Variants in SWT1 observed in about 807,000 individuals in gnomAD.
SWT1 encodes SWT1 RNA endoribonuclease homolog.
In SWT1, 33 loss-of-function variants were observed where a neutral mutation model predicts 107.3. The ratio of observed to expected loss-of-function variants is 0.31; its 90% CI spans 0.23 to 0.41. The LOEUF (loss-of-function observed/expected upper bound fraction) is 0.41. Among genes scored for constraint, SWT1 ranks in the 10% least tolerant of loss-of-function variants. The probability of loss-of-function intolerance (pLI) is 1.00; values close to 1 mark genes in which losing one functional copy is unlikely to be tolerated. For synonymous variants in SWT1, 345 were observed against 348.3 expected (o/e 0.99, Z 0.11); for missense variants, 898 against 1,028.9 (o/e 0.87, Z 1.74).
chr1:185,250,236 T>G (rs1227351085), intron 16 of SWT1, among the ~76,000 whole-genome samples: 2 of 152,138 alleles, frequency 1.3e-5, no homozygotes, highest in African/African-American at 4.8e-5. Context: ...GAAGTGATCT[T>G]CTCGCCTCAG....
chr1:185,215,055 A>G (rs1269864907), intron 14 of SWT1, among the ~76,000 whole-genome samples: 1 of 152,216 alleles, frequency 6.6e-6, no homozygotes, highest in Admixed American at 6.5e-5. Context: ...TGACAGTGTT[A>G]CTTGGTAATG....
At chr1:185,256,757 G>A (rs1360138688) in intron 16 of SWT1, among the ~76,000 whole-genome samples, 13 of 151,554 alleles carry the variant, frequency 8.6e-5, no homozygotes, top group East Asian at 1.9e-4. Context: ...TAATTTGATC[G>A]TCTGAAGCGT....
At chr1:185,228,345 AC>A (rs1313323625) in intron 15 of SWT1, among the ~76,000 whole-genome samples, 1 of 151,630 alleles carries the variant, frequency 6.6e-6, no homozygotes, top group East Asian at 1.9e-4. Context: ...ATATAGTGAG[AC>A]CTCATCTTTA....
In SWT1 at chr1:185,290,839, C is replaced by A; in HGVS notation, c.*36C>A. 2 of 1,572,186 alleles carry A rather than the reference C, an allele frequency of 1.3e-6. No homozygotes were observed. The highest frequency in any genetic ancestry group is 2.3e-5 in the South Asian group (2 of 85,876). On this transcript the variant is annotated 3_prime_UTR_variant, in exon 19 of 19. Coordinates refer to ENST00000367500, the MANE Select transcript of SWT1 (RefSeq NM_017673.7). ...GTAACTTTAAAGGAATTGCATTTGTCCTTAAGAATAACAGAGTAGTTTTCA... is the reference window on the plus strand; with the variant it reads ...GTAACTTTAAAGGAATTGCATTTGTACTTAAGAATAACAGAGTAGTTTTCA...
chr1:185,232,672 T>G (rs1660586319), intron 16 of SWT1, among the ~76,000 whole-genome samples: 1 of 152,212 alleles, frequency 6.6e-6, no homozygotes, highest in Non-Finnish European at 1.5e-5. Context: ...CCATTTTATC[T>G]GATAGGCCAG....
At chr1:185,193,363 A>G (rs1657113032) in intron 10 of SWT1, among the ~76,000 whole-genome samples, 1 of 151,882 alleles carries the variant, frequency 6.6e-6, no homozygotes, top group East Asian at 1.9e-4. Context: ...CAGAATGTGT[A>G]TTCTGCCCTT....
At chr1:185,200,443 A>G (rs1558034695) in intron 10 of SWT1, among the ~76,000 whole-genome samples, 1 of 151,970 alleles carries the variant, frequency 6.6e-6, no homozygotes, top group Non-Finnish European at 1.5e-5. Context: ...TGTGGACGCC[A>G]TTTTTGTTGA....
chr1:185,254,360 G>T (rs1260431199), intron 16 of SWT1, among the ~76,000 whole-genome samples: 2 of 133,086 alleles, frequency 1.5e-5, no homozygotes, highest in Non-Finnish European at 3.2e-5. Flanking sequence ...AATGGTACCA[G>T]TTCCTCCTTG....
intron 14 of SWT1, among the ~76,000 whole-genome samples, chr1:185,221,212 T>C (rs1659634294): frequency 6.6e-6 from 1 of 152,342 alleles, no homozygotes; most frequent in East Asian, 1.9e-4. Flanking sequence ...TCTTTATATT[T>C]CTTGCATGCA....
chr1:185,162,622 C>A (rs1378369558), intron 2 of SWT1, among the ~76,000 whole-genome samples: 1 of 152,140 alleles, frequency 6.6e-6, no homozygotes, highest in Non-Finnish European at 1.5e-5. Context: ...CTGCACCTAT[C>A]AGCAAATTCT....
At chr1:185,257,520 T>G (rs926705470) in intron 16 of SWT1, among the ~76,000 whole-genome samples, 2 of 152,242 alleles carry the variant, frequency 1.3e-5, no homozygotes, top group African/African-American at 4.8e-5. Context: ...AAGCGCAGTA[T>G]TCGGGTGGGA....
intron 16 of SWT1, among the ~76,000 whole-genome samples, chr1:185,269,098 C>T (rs1663637617): frequency 6.6e-6 from 1 of 151,964 alleles, no homozygotes. Flanking sequence ...GTGATTTGCC[C>T]GCCTCAGCCT....
chr1:185,197,121 C>G lies in SWT1; in HGVS notation c.1524-5533C>G, dbSNP rs541610818. On this transcript the variant is annotated intron_variant, in intron 10 of 18. Coordinates refer to ENST00000367500, the MANE Select transcript of SWT1 (RefSeq NM_017673.7). ...AAATAGCTCTTAATATTTTGAGATA[C>G]ATTCCATCTCAAACTCGTTCCACCG... 5.7e-4 allele frequency among the ~76,000 whole-genome samples: 87 copies of G among 152,098 alleles called. No homozygotes were observed. In the South Asian group the frequency reaches 0.016, roughly 27 times the overall value.
intron 13 of SWT1, among the ~76,000 whole-genome samples, chr1:185,210,264 A>T (rs867406014): frequency 6.6e-6 from 1 of 152,014 alleles, no homozygotes; most frequent in Non-Finnish European, 1.5e-5. Flanking sequence ...TGCTGCCATT[A>T]CTTTTGGTGT....
At chr1:185,198,764 T>A (rs565820530) in intron 10 of SWT1, among the ~76,000 whole-genome samples, 1 of 149,542 alleles carries the variant, frequency 6.7e-6, no homozygotes, top group African/African-American at 2.4e-5. Context: ...TTTTTTTTGT[T>A]TTTTTTTTTT....
intron 10 of SWT1, among the ~76,000 whole-genome samples, chr1:185,192,856 C>T (rs1028310194): frequency 1.3e-5 from 2 of 152,072 alleles, no homozygotes; most frequent in Non-Finnish European, 2.9e-5. Flanking sequence ...CCATATCGGT[C>T]AGGCTGGTCT....
At chr1:185,209,696 T>C (rs1658616053) in intron 13 of SWT1, among the ~76,000 whole-genome samples, 1 of 152,222 alleles carries the variant, frequency 6.6e-6, no homozygotes, top group Non-Finnish European at 1.5e-5. Flanking sequence ...CATGTGCATA[T>C]GTCTTTATGG....
At chr1:185,180,671 A>G (rs896036596) in intron 6 of SWT1, among the ~76,000 whole-genome samples, 3 of 152,210 alleles carry the variant, frequency 2.0e-5, no homozygotes, top group Non-Finnish European at 4.4e-5. Context: ...TCTATTGTGA[A>G]CAAAGAGCAT....
chr1:185,204,456 ATAT>A (rs1333489976), intron 11 of SWT1, among the ~76,000 whole-genome samples: 1 of 152,156 alleles, frequency 6.6e-6, no homozygotes, highest in Non-Finnish European at 1.5e-5. Context: ...TTGAGTAAAA[ATAT>A]TATTTAATTG....
Sources: allele counts gnomAD v4.1 joint callset (sites outside exome capture counted in the v4.1 genomes callset), GRCh38; gene constraint gnomAD v4.1.1; transcripts MANE v1.5; gene names NCBI Gene and HGNC (gene_info 2026-07-23, HGNC 2026-07-21).